The following SLC36A1 variants were observed in gnomAD, a reference collection of about 807,000 sequenced individuals.
SLC36A1 encodes the protein proton-coupled amino acid transporter 1.
SLC36A1 carries 30 observed loss-of-function variants against 47.5 expected under a neutral mutation model. The observed-to-expected ratio is 0.63, with a 90% CI of 0.47 to 0.86. The LOEUF is 0.86. SLC36A1 is among the 40% of genes least tolerant of loss of function. The pLI is 0.00. For missense variants in SLC36A1, 517 were observed against 606.0 expected, an observed-to-expected ratio of 0.85 and a Z score of 1.54; for synonymous variants, 255 against 249.7, an observed-to-expected ratio of 1.02 and a Z score of -0.20.
upstream of SLC36A1, among the ~76,000 whole-genome samples, chr5:151,435,801 A>G (rs1223484162): frequency 6.6e-6 from 1 of 151,868 alleles, no homozygotes; most frequent in East Asian, 1.9e-4. Flanking sequence ...ATAGAATAAA[A>G]TAACAAGGTA....
At chr5:151,539,368 C>T in the SLC36A1 span, among the ~76,000 whole-genome samples, 10 of 152,224 alleles carry the variant, frequency 6.6e-5, no homozygotes, top group South Asian at 1.2e-3. Context: ...GCAAGCAAGT[C>T]GAAGTTTGTA....
the SLC36A1 span, among the ~76,000 whole-genome samples, chr5:151,423,128 TA>T: frequency 2.0e-5 from 3 of 152,210 alleles, no homozygotes; most frequent in Admixed American, 2.0e-4. Flanking sequence ...AAAATACTGA[TA>T]ATACCAAATG....
intron 2 of SLC36A1, among the ~76,000 whole-genome samples, chr5:151,462,391 G>A (rs1466695106): frequency 1.3e-5 from 2 of 150,192 alleles, no homozygotes; most frequent in Non-Finnish European, 3.0e-5. Flanking sequence ...TTTTGAGACA[G>A]TCTTGCTCTG....
In SLC36A1 at chr5:151,476,677, A is replaced by G. The variant is rs751111599; in HGVS notation, c.910A>G (p.Ile304Val). The G allele has an allele frequency of 1.5e-5, 24 of 1,613,604 alleles. No homozygotes were observed. The highest frequency in any genetic ancestry group is 4.5e-5 in the East Asian group (2 of 44,884). The change falls in exon 9 of 11, where the codon ATC (isoleucine) becomes GTC (valine). Residue 304 changes from isoleucine (I) to valine (V), a missense_variant. By Grantham distance (29) the Ile-to-Val change is conservative (BLOSUM62 3). Coordinates refer to ENST00000243389, the MANE Select transcript of SLC36A1 (RefSeq NM_078483.4). ...CATGGTCATCGTCACCATCCTCTAC[A>G]TCAGCCTGGGGTGTCTGGGGTACCT... Reference protein sequence around the residue: ...LGMVIVTILYISLGCLGYLQF... With the variant: ...LGMVIVTILYVSLGCLGYLQF...
chr5:151,368,975 T>C, the SLC36A1 span, among the ~76,000 whole-genome samples: 1 of 152,346 alleles, frequency 6.6e-6, no homozygotes, highest in East Asian at 1.9e-4. Context: ...TACCAGCTGA[T>C]ACGCATGCTT....
the SLC36A1 span, among the ~76,000 whole-genome samples, chr5:151,534,240 C>A: frequency 6.6e-6 from 1 of 152,164 alleles, no homozygotes; most frequent in Non-Finnish European, 1.5e-5. Flanking sequence ...TGTCATATAG[C>A]ACTTAGGTGT....
At chr5:151,420,850 T>C in the SLC36A1 span, among the ~76,000 whole-genome samples, 1 of 151,592 alleles carries the variant, frequency 6.6e-6, no homozygotes, top group Non-Finnish European at 1.5e-5. Flanking sequence ...AATCTTGTAG[T>C]TTTTCCTTTC....
the SLC36A1 span, among the ~76,000 whole-genome samples, chr5:151,416,334 C>T: frequency 6.6e-6 from 1 of 152,170 alleles, no homozygotes. Flanking sequence ...GTCCTGGGGC[C>T]TAGCTTGCCT....
chr5:151,376,707 A>G, the SLC36A1 span, among the ~76,000 whole-genome samples: 1 of 151,942 alleles, frequency 6.6e-6, no homozygotes, highest in African/African-American at 2.4e-5. Flanking sequence ...ATCTTGGCTC[A>G]CTGCAACCTC....
chr5:151,421,497 C>T, the SLC36A1 span, among the ~76,000 whole-genome samples: 2 of 152,068 alleles, frequency 1.3e-5, no homozygotes, highest in Non-Finnish European at 2.9e-5. Context: ...CCACCTCAGC[C>T]TCCCAAAGTG....
chr5:151,514,637 G>A, the SLC36A1 span, among the ~76,000 whole-genome samples: 4 of 152,150 alleles, frequency 2.6e-5, no homozygotes, highest in Non-Finnish European at 4.4e-5. Flanking sequence ...GAGTCCATCC[G>A]TTCTTCCAGA....
At chr5:151,377,224 C>A in the SLC36A1 span, among the ~76,000 whole-genome samples, 3,464 of 152,018 alleles carry the variant, frequency 0.023, 56 homozygotes, top group South Asian at 0.035. Context: ...ATTATTTGGT[C>A]CATTTGGCCT....
chr5:151,481,602 AC>A (rs1758808958), intron 10 of SLC36A1, among the ~76,000 whole-genome samples: 1 of 147,074 alleles, frequency 6.8e-6, no homozygotes, highest in Admixed American at 6.8e-5. Flanking sequence ...CCTCCTCTTC[AC>A]CCTCCAAAGG....
chr5:151,395,569 A>G, the SLC36A1 span, among the ~76,000 whole-genome samples: 3 of 152,180 alleles, frequency 2.0e-5, no homozygotes, highest in East Asian at 1.9e-4. Context: ...TTGAGTTTCT[A>G]TAACACCAGT....
At chr5:151,345,005 G>A in the SLC36A1 span, among the ~76,000 whole-genome samples, 2 of 152,150 alleles carry the variant, frequency 1.3e-5, no homozygotes, top group African/African-American at 4.8e-5. Context: ...AGGCTGGAGA[G>A]TGCACACCTC....
At chr5:151,539,893 G>T in the SLC36A1 span, among the ~76,000 whole-genome samples, 1 of 152,270 alleles carries the variant, frequency 6.6e-6, no homozygotes, top group East Asian at 1.9e-4. Context: ...AAATGAAATT[G>T]CCCTGTCTCG....
At chr5:151,452,095 C>T (rs531259151) in intron 1 of SLC36A1, among the ~76,000 whole-genome samples, 4 of 152,120 alleles carry the variant, frequency 2.6e-5, no homozygotes, top group South Asian at 2.1e-4. Flanking sequence ...TAAAAGTGTG[C>T]GTGTTTGCCT....
At chr5:151,530,082 T>C in the SLC36A1 span, among the ~76,000 whole-genome samples, 1 of 152,138 alleles carries the variant, frequency 6.6e-6, no homozygotes, top group Non-Finnish European at 1.5e-5. Flanking sequence ...CAGCCCTTAA[T>C]GAAAAGGTAT....
At chr5:151,529,113 G>A in the SLC36A1 span, 1 of 1,359,558 alleles carries the variant, frequency 7.4e-7, no homozygotes, top group South Asian at 1.2e-5. Flanking sequence ...GGCTGGGTGT[G>A]GGGGTGAGAT....
Sources: gnomAD v4.1 joint callset for allele counts (sites outside exome capture counted in the v4.1 genomes callset) on GRCh38, gnomAD v4.1.1 for gene constraint, MANE v1.5 for transcripts, NCBI Gene and HGNC (gene_info 2026-07-23, HGNC 2026-07-21) for gene names.